Variants in PCED1B observed in about 807,000 individuals in gnomAD.
PCED1B encodes PC-esterase domain containing 1B, also known as PC-esterase domain-containing protein 1B.
For missense variants in PCED1B, 573 were observed against 573.9 expected, an observed-to-expected ratio of 1.00 and a Z score of 0.02; for synonymous variants, 251 against 246.1, an observed-to-expected ratio of 1.02 and a Z score of -0.19.
intron 2 of PCED1B, among the ~76,000 whole-genome samples, chr12:47,171,584 A>T (rs1207112496): frequency 6.6e-6 from 1 of 152,178 alleles, no homozygotes; most frequent in South Asian, 2.1e-4. Flanking sequence ...TTCTACTCTG[A>T]CCTGGTTTCC....
chr12:47,114,661 C>G (rs925885553), intron 2 of PCED1B, among the ~76,000 whole-genome samples: 1 of 152,220 alleles, frequency 6.6e-6, no homozygotes, highest in Non-Finnish European at 1.5e-5. Context: ...GCAGATGTTC[C>G]TAGCCCAGAA....
intron 2 of PCED1B, among the ~76,000 whole-genome samples, chr12:47,152,433 C>G (rs763376513): frequency 1.3e-5 from 2 of 151,904 alleles, no homozygotes; most frequent in Non-Finnish European, 2.9e-5. Flanking sequence ...TCAAACAAAC[C>G]CAAATTGAAA....
chr12:47,133,787 T>C (rs1173695442), intron 2 of PCED1B, among the ~76,000 whole-genome samples: 1 of 152,090 alleles, frequency 6.6e-6, no homozygotes, highest in Non-Finnish European at 1.5e-5. Context: ...CCTAAAAAGT[T>C]TATATATTGA....
chr12:47,226,938 A>G (rs1388683068), intron 3 of PCED1B, among the ~76,000 whole-genome samples: 1 of 152,024 alleles, frequency 6.6e-6, no homozygotes, highest in Non-Finnish European at 1.5e-5. Context: ...GAGAAGGTTT[A>G]TGTCTCCAAA....
At chr12:47,124,699 T>C (rs1176625277) in intron 2 of PCED1B, among the ~76,000 whole-genome samples, 1 of 151,994 alleles carries the variant, frequency 6.6e-6, no homozygotes, top group Non-Finnish European at 1.5e-5. Flanking sequence ...TTATGATCAG[T>C]CTTTAAATTT....
chr12:47,151,672 G>A (rs1940996674), intron 2 of PCED1B, among the ~76,000 whole-genome samples: 1 of 152,208 alleles, frequency 6.6e-6, no homozygotes, highest in African/African-American at 2.4e-5. Context: ...AGCTGATGGT[G>A]TAAATTCCAG....
At chr12:47,151,136 TAC>T (rs112484470) in intron 2 of PCED1B, among the ~76,000 whole-genome samples, 1 of 150,276 alleles carries the variant, frequency 6.7e-6, no homozygotes, top group African/African-American at 2.4e-5. Flanking sequence ...ATATAATATA[TAC>T]ACACACACAC....
chr12:47,186,140 C>T (rs1215893034), intron 2 of PCED1B, among the ~76,000 whole-genome samples: 2 of 151,690 alleles, frequency 1.3e-5, no homozygotes, highest in Non-Finnish European at 2.9e-5. Context: ...ACTGCTTGAA[C>T]CCAGGGGGCA....
intron 2 of PCED1B, among the ~76,000 whole-genome samples, chr12:47,154,169 G>A (rs1218245076): frequency 6.6e-6 from 1 of 152,178 alleles, no homozygotes; most frequent in Non-Finnish European, 1.5e-5. Flanking sequence ...AACAGTAGCA[G>A]GCTAATTTGT....
chr12:47,140,052 T>C (rs1028137138), intron 2 of PCED1B, among the ~76,000 whole-genome samples: 3 of 152,190 alleles, frequency 2.0e-5, no homozygotes, highest in African/African-American at 7.2e-5. Context: ...AAACTCCAGC[T>C]TGAAAATAAA....
chr12:47,107,127 C>T (rs369821085), intron 2 of PCED1B, among the ~76,000 whole-genome samples: 8 of 152,316 alleles, frequency 5.3e-5, no homozygotes, highest in Middle Eastern at 6.8e-3. Context: ...ATTCTTTGTT[C>T]AGAGTTAGGG....
At chr12:47,199,267 T>C (rs1214408686) in intron 2 of PCED1B, among the ~76,000 whole-genome samples, 1 of 152,186 alleles carries the variant, frequency 6.6e-6, no homozygotes, top group Non-Finnish European at 1.5e-5. Context: ...GAAGAGGTAT[T>C]TCATGCTCAT....
rs201154066 is a variant in PCED1B, at chr12:47,121,329, C to CGTT, written c.-526+17135_-526+17137dup. Among the ~76,000 whole-genome samples, 361 of 152,206 alleles carry CGTT rather than the reference C, an allele frequency of 2.4e-3. 1 individual carries two copies. The highest frequency in any genetic ancestry group is 7.6e-3 in the African/African-American group (314 of 41,528). ...CTTTCATGGCTACAAAGTTATGAAT[C>CGTT]GTTAGTGGGTACTCATTGCCCTGAA... is the stretch of plus-strand genomic sequence containing the variant. On this transcript the variant is annotated intron_variant, in intron 2 of 3. Transcript: ENST00000546455.
At chr12:47,227,210 C>A (rs1943658014) in intron 3 of PCED1B, among the ~76,000 whole-genome samples, 1 of 152,098 alleles carries the variant, frequency 6.6e-6, no homozygotes, top group Non-Finnish European at 1.5e-5. Context: ...GTCACCCAGT[C>A]TGGAGTGCAG....
chr12:47,102,517 A>G (rs183196612), intron 1 of PCED1B, among the ~76,000 whole-genome samples: 67 of 152,302 alleles, frequency 4.4e-4, no homozygotes, highest in Non-Finnish European at 6.9e-4. Flanking sequence ...GAGAGTCTAG[A>G]TTTCCTTCCA....
intron 2 of PCED1B, chr12:47,135,766 T>C: frequency 1.9e-6 from 1 of 528,160 alleles, no homozygotes; most frequent in South Asian, 1.4e-5. Flanking sequence ...CAGATGTGGA[T>C]CATGGTGAAC....
intron 2 of PCED1B, among the ~76,000 whole-genome samples, chr12:47,162,808 C>G (rs772683678): frequency 6.6e-6 from 1 of 152,212 alleles, no homozygotes; most frequent in Non-Finnish European, 1.5e-5. Flanking sequence ...GGCCCTACCT[C>G]CAATATTGGG....
chr12:47,179,866 A>G (rs1942040246), intron 2 of PCED1B, among the ~76,000 whole-genome samples: 1 of 138,502 alleles, frequency 7.2e-6, no homozygotes, highest in Admixed American at 7.2e-5. Context: ...TGACATGTAT[A>G]TATCAATATG....
intron 3 of PCED1B, among the ~76,000 whole-genome samples, chr12:47,218,938 C>T (rs547265323): frequency 3.9e-5 from 6 of 152,094 alleles, no homozygotes; most frequent in Non-Finnish European, 5.9e-5. Flanking sequence ...GTCAGGAGTT[C>T]GAGACCAGCC....
Sources: allele counts gnomAD v4.1 joint callset (sites outside exome capture counted in the v4.1 genomes callset), GRCh38; gene constraint gnomAD v4.1.1; transcripts MANE v1.5; gene names NCBI Gene and HGNC (gene_info 2026-07-23, HGNC 2026-07-21).